The following SERTM2 variants were observed in gnomAD, a reference collection of about 807,000 sequenced individuals.
SERTM2 encodes serine rich and transmembrane domain containing 2.
intron 2 of SERTM2, among the ~76,000 whole-genome samples, chrX:111,513,890 T>C (rs1048702056): frequency 9.0e-6 from 1 of 111,641 alleles, no homozygotes; most frequent in Non-Finnish European, 1.9e-5. Flanking sequence ...CTAATAAATA[T>C]TGAATAAGTA....
chrX:111,518,579 A>G lies in SERTM2; in HGVS notation c.-279A>G, dbSNP rs770409580. On this transcript the variant is annotated 5_prime_UTR_variant, in exon 3 of 3. Coordinates refer to ENST00000569275, the MANE Select transcript of SERTM2 (RefSeq NM_001354473.2). ...TCAGTATAAAAGTAGGAGTGTGGAA[A>G]ATAAAACATTACTTGTATTTTTAAA... The G allele has an allele frequency of 4.5e-5, 12 of 265,085 alleles. No individual in the cohort carries two copies. Among genetic ancestry groups the G allele is most frequent in the African/African-American group, 2.0e-4 (7 of 35,893 alleles). The allele number at this position is 265,085 out of a possible 1,213,427, so 21.8% of individuals were successfully genotyped here.
At chrX:111,514,216 G>T (rs1930271860) in intron 2 of SERTM2, among the ~76,000 whole-genome samples, 1 of 111,392 alleles carries the variant, frequency 9.0e-6, no homozygotes, top group Non-Finnish European at 1.9e-5. Flanking sequence ...TTAGCAATCG[G>T]ATCAGAGATA....
intron 2 of SERTM2, among the ~76,000 whole-genome samples, chrX:111,514,020 C>T (rs1356191800): frequency 9.0e-6 from 1 of 111,483 alleles, no homozygotes; most frequent in Non-Finnish European, 1.9e-5. Context: ...TAAAATCTAA[C>T]CAATCCCATG....
rs1340625381 is a variant in SERTM2, at chrX:111,518,374, G to A, written c.-484G>A. 8.9e-6 allele frequency: 1 copy of A among 112,473 alleles called. No homozygotes were observed. Among genetic ancestry groups the A allele is most frequent in the Non-Finnish European group, 1.9e-5 (1 of 53,711 alleles). The allele number at this position is 112,473 out of a possible 1,213,427, so 9.3% of individuals were successfully genotyped here. ...TGATATATACAAAAGCCTTCAGATA[G>A]TCTCCTCGCAGAAGAGCCCAATTAA... On this transcript the variant is annotated 5_prime_UTR_variant, in exon 3 of 3. Transcript: ENST00000569275.
rs893610205 is a variant in SERTM2, at chrX:111,519,882, G to A, written c.*752G>A. ...CACAAATATGAGCTTTGTTTAAAAGGTGCCTTTGCAAACAAGACTCAACTG... is the reference window on the plus strand; with the variant it reads ...CACAAATATGAGCTTTGTTTAAAAGATGCCTTTGCAAACAAGACTCAACTG... On this transcript the variant is annotated 3_prime_UTR_variant, in exon 3 of 3. Coordinates refer to ENST00000569275, the MANE Select transcript of SERTM2 (RefSeq NM_001354473.2). 1 of 111,675 alleles carries A rather than the reference G, an allele frequency of 9.0e-6. No individual in the cohort carries two copies. Among genetic ancestry groups the A allele is most frequent in the African/African-American group, 3.3e-5 (1 of 30,724 alleles). 9.2% of individuals were successfully genotyped at this position (111,675 alleles called of 1,213,427 possible).
chrX:111,512,119 G>A (rs1040417163), intron 2 of SERTM2, 25 bp downstream of exon 2: 6 of 292,183 alleles, frequency 2.1e-5, no homozygotes, highest in African/African-American at 1.7e-4. Flanking sequence ...GAAATATTAC[G>A]ATGTTAATCC....
rs988574497 is a variant in SERTM2, at chrX:111,521,974, G to A, written c.*2844G>A. On this transcript the variant is annotated 3_prime_UTR_variant, in exon 3 of 3. Transcript: ENST00000569275. ...AGAATCATGGGTTGTACAAAATGAA[G>A]TATATTGTAAAAGGCTTATGTATTA... is the stretch of plus-strand genomic sequence containing the variant. 5 of 111,507 alleles carry A rather than the reference G, an allele frequency of 4.5e-5. No homozygotes were observed. Among genetic ancestry groups the A allele is most frequent in the African/African-American group, 6.5e-5 (2 of 30,684 alleles). The allele number at this position is 111,507 out of a possible 1,213,427, so 9.2% of individuals were successfully genotyped here.
At chrX:111,516,963 A>C (rs979935162) in intron 2 of SERTM2, among the ~76,000 whole-genome samples, 1 of 111,776 alleles carries the variant, frequency 8.9e-6, no homozygotes, top group Admixed American at 9.5e-5. Context: ...TTAGCCACCC[A>C]TATTCAAAAT....
At chrX:111,516,632 A>ATC (rs762410119) in intron 2 of SERTM2, among the ~76,000 whole-genome samples, 12 of 107,663 alleles carry the variant, frequency 1.1e-4, no homozygotes, top group South Asian at 3.9e-4. Context: ...GATATTATAT[A>ATC]TCTCTCTCTC....
In SERTM2 at chrX:111,518,325, G is replaced by C. The variant is rs180912503; in HGVS notation, c.-533G>C. ...AGGTTCAGAAATACAGATAAACGGGGTGAAAACTCAGATAAGCTGAGCCTG... is the reference window on the plus strand; with the variant it reads ...AGGTTCAGAAATACAGATAAACGGGCTGAAAACTCAGATAAGCTGAGCCTG... On this transcript the variant is annotated 5_prime_UTR_variant, in exon 3 of 3. Transcript: ENST00000569275. 2 of 111,638 alleles carry C rather than the reference G, an allele frequency of 1.8e-5. No individual in the cohort carries two copies. The highest frequency in any genetic ancestry group is 6.5e-5 in the African/African-American group (2 of 30,745). 9.2% of individuals were successfully genotyped at this position (111,638 alleles called of 1,213,427 possible).
rs747665827 is a variant in SERTM2, at chrX:111,511,782, T to A, written c.-933T>A. 159 of 244,592 alleles carry A rather than the reference T, an allele frequency of 6.5e-4. No homozygotes were observed. The highest frequency in any genetic ancestry group is 1.0e-3 in the Non-Finnish European group (142 of 137,238). The allele number at this position is 244,592 out of a possible 1,213,427, so 20.2% of individuals were successfully genotyped here. On this transcript the variant is annotated 5_prime_UTR_variant, in exon 1 of 3. Transcript: ENST00000569275. ...ACACACACATCCAAACAGACTTCTC[T>A]TTGCTTTTCAGAGCTTATAAGGAGC...
At chrX:111,512,615 C>G (rs763156368) in intron 2 of SERTM2, among the ~76,000 whole-genome samples, 8 of 111,784 alleles carry the variant, frequency 7.2e-5, no homozygotes, top group Middle Eastern at 4.6e-3. Flanking sequence ...TCTCCAGCAC[C>G]TAAAAAAGTG....
At position 111,519,408 on chromosome X, in the gene SERTM2, C is replaced by T; in HGVS notation, c.*278C>T. On this transcript the variant is annotated 3_prime_UTR_variant, in exon 3 of 3. Coordinates refer to ENST00000569275, the MANE Select transcript of SERTM2 (RefSeq NM_001354473.2). ...AACCAAACAGTGCCTGGGCCTTGCA[C>T]AAACCTCAGACCACAGAAATTCATG... is the stretch of plus-strand genomic sequence containing the variant. 1 of 177,361 alleles carries T rather than the reference C, an allele frequency of 5.6e-6. No homozygotes were observed. The highest frequency in any genetic ancestry group is 1.1e-4 in the East Asian group (1 of 9,465). The allele number at this position is 177,361 out of a possible 1,213,427, so 14.6% of individuals were successfully genotyped here. A position where few individuals can be genotyped will look rare whatever the true frequency, so the allele number is the denominator to read the frequency against.
intron 2 of SERTM2, among the ~76,000 whole-genome samples, chrX:111,512,547 AGTAACTAC>A (rs1169907050): frequency 9.0e-6 from 1 of 111,660 alleles, no homozygotes; most frequent in Non-Finnish European, 1.9e-5. Context: ...AGAAAATAAA[AGTAACTAC>A]TAGGAGCACC....
chrX:111,511,946 T>C (rs1930233963), intron 1 of SERTM2, 52 bp from the exon 2 acceptor site: 2 of 295,442 alleles, frequency 6.8e-6, no homozygotes, highest in Admixed American at 6.1e-5. Context: ...ATACTTTGCA[T>C]GAACATAGTC....
chrX:111,520,317 G>A lies in SERTM2; in HGVS notation c.*1187G>A, dbSNP rs1420163596. On this transcript the variant is annotated 3_prime_UTR_variant, in exon 3 of 3. Transcript: ENST00000569275. ...ATTTTTAAAACTAACTTTTCAAAGG[G>A]AAACCAAAGGAGATGAGTACCATTT... 1.8e-5 allele frequency: 2 copies of A among 111,752 alleles called. No homozygotes were observed. The highest frequency in any genetic ancestry group is 4.3e-3 in the Middle Eastern group (1 of 235). The allele number at this position is 111,752 out of a possible 1,213,427, so 9.2% of individuals were successfully genotyped here. A position where few individuals can be genotyped will look rare whatever the true frequency, so the allele number is the denominator to read the frequency against.
intron 2 of SERTM2, among the ~76,000 whole-genome samples, chrX:111,516,405 C>G (rs1930311233): frequency 9.1e-6 from 1 of 109,429 alleles, no homozygotes; most frequent in East Asian, 2.9e-4. Context: ...CTCCAAACAA[C>G]CAATAAGATA....
rs1376015948 is a variant in SERTM2 at position 111,519,117 on chromosome X, T to C, written c.260T>C (p.Ile87Thr). 3 of 295,380 alleles carry C rather than the reference T, an allele frequency of 1.0e-5. No individual in the cohort carries two copies. The highest frequency in any genetic ancestry group is 1.2e-5 in the Non-Finnish European group (2 of 169,693). 24.3% of individuals were successfully genotyped at this position (295,380 alleles called of 1,213,427 possible). A position where few individuals can be genotyped will look rare whatever the true frequency, so the allele number is the denominator to read the frequency against. The change falls in exon 3 of 3, where the codon ATC becomes ACC. Residue 87 changes from isoleucine to threonine, a missense_variant. Transcript: ENST00000569275. Reference sequence around the variant, plus strand: ...ACAGATGTAGAGATGCAGAGTCGAATCCCCACTCCCTAAAGCCAGGATGAA... The same window carrying C: ...ACAGATGTAGAGATGCAGAGTCGAACCCCCACTCCCTAAAGCCAGGATGAA... ...QFTDVEMQSR[I>T]PTP
At chrX:111,517,838 G>T (rs950594638) in intron 2 of SERTM2, among the ~76,000 whole-genome samples, 1 of 110,687 alleles carries the variant, frequency 9.0e-6, no homozygotes, top group Non-Finnish European at 1.9e-5. Flanking sequence ...CTTATGATCA[G>T]TTGGTTTAGA....
Sources: allele counts gnomAD v4.1 joint callset (sites outside exome capture counted in the v4.1 genomes callset), GRCh38; gene constraint gnomAD v4.1.1; transcripts MANE v1.5; gene names NCBI Gene and HGNC (gene_info 2026-07-23, HGNC 2026-07-21).